The following RBFOX3 variants were observed in gnomAD, a reference collection of about 807,000 sequenced individuals.
RBFOX3 encodes RNA binding fox-1 homolog 3.
Under a neutral mutation model 48.7 loss-of-function variants are expected in RBFOX3, and 17 were observed. The ratio of observed to expected loss-of-function variants is 0.35; its 90% CI spans 0.24 to 0.52. RBFOX3 has a LOEUF of 0.52. Ranked by LOEUF, RBFOX3 falls within the 20% of genes least tolerant of loss-of-function variation. The pLI is 0.94. For missense variants in RBFOX3, 382 were observed against 497.5 expected (o/e 0.77, Z 2.21); for synonymous variants, 212 against 209.5 (o/e 1.01, Z -0.10).
chr17:79,577,414 T>G (rs1044762015), intron 1 of RBFOX3, among the ~76,000 whole-genome samples: 1 of 152,174 alleles, frequency 6.6e-6, no homozygotes, highest in Non-Finnish European at 1.5e-5. Context: ...GCAGACTCAA[T>G]TCGGCAGGGG....
intron 2 of RBFOX3, among the ~76,000 whole-genome samples, chr17:79,380,440 G>C (rs1053045237): frequency 6.6e-6 from 1 of 152,242 alleles, no homozygotes; most frequent in African/African-American, 2.4e-5. Flanking sequence ...GCCCTAGCCT[G>C]GACCTGCTGA....
chr17:79,098,134 A>G, intron 9 of RBFOX3: 2 of 203,430 alleles, frequency 9.8e-6, no homozygotes, highest in Non-Finnish European at 2.0e-5. Context: ...TTCTGGAGTC[A>G]GACTCAGCAC....
At chr17:79,301,741 C>A (rs574409118) in intron 3 of RBFOX3, among the ~76,000 whole-genome samples, 1 of 152,290 alleles carries the variant, frequency 6.6e-6, no homozygotes, top group East Asian at 1.9e-4. Context: ...GAATGCGGTT[C>A]CCCCACCCAT....
intron 2 of RBFOX3, among the ~76,000 whole-genome samples, chr17:79,400,324 G>A (rs2062630134): frequency 6.6e-6 from 1 of 152,140 alleles, no homozygotes; most frequent in South Asian, 2.1e-4. Flanking sequence ...AGCCACCCGA[G>A]GGGCTCCCGG....
In RBFOX3 at chr17:79,258,605, C is replaced by G. The variant is rs1407326549; in HGVS notation, c.-73-22800G>C. Among the ~76,000 whole-genome samples, 5 of 152,156 alleles carry G rather than the reference C, an allele frequency of 3.3e-5. No homozygotes were observed. The East Asian group carries it at 9.6e-4, about 29-fold the overall frequency. ...GATCCTGGGCAGACTAAAAGGAGCT[C>G]TAGAGCCTCAGGGCCAAGGGAGGGT... On this transcript the variant is annotated intron_variant, in intron 3 of 14. Transcript: ENST00000693108.
chr17:79,170,004 G>C (rs1030302394), intron 4 of RBFOX3, among the ~76,000 whole-genome samples: 1 of 150,660 alleles, frequency 6.6e-6, no homozygotes, highest in Admixed American at 6.6e-5. Flanking sequence ...AAAAGTGGGA[G>C]GAAAGAAGGA....
intron 4 of RBFOX3, among the ~76,000 whole-genome samples, chr17:79,122,394 C>A (rs886553123): frequency 6.6e-6 from 1 of 152,152 alleles, no homozygotes; most frequent in Admixed American, 6.5e-5. Context: ...CAAATGTCTC[C>A]GCTGTTCCTT....
chr17:79,097,981 T>C (rs2075710750), intron 9 of RBFOX3: 2 of 560,554 alleles, frequency 3.6e-6, no homozygotes, highest in Non-Finnish European at 6.5e-6. Flanking sequence ...TTCCCAATTG[T>C]GATCCTCCTC....
chr17:79,509,149 C>A (rs1202434874), intron 1 of RBFOX3, among the ~76,000 whole-genome samples: 4 of 152,050 alleles, frequency 2.6e-5, no homozygotes, highest in Non-Finnish European at 5.9e-5. Flanking sequence ...CTAAATCAAC[C>A]ACTGCCCCCA....
chr17:79,137,349 G>A (rs57525851), intron 4 of RBFOX3, among the ~76,000 whole-genome samples: 49,677 of 152,020 alleles, frequency 0.33, 9,079 homozygotes, highest in East Asian at 0.76. Flanking sequence ...AGCACCCCTG[G>A]ATGACAGGAG....
At chr17:79,257,723 G>A (rs1184312082) in intron 3 of RBFOX3, among the ~76,000 whole-genome samples, 5 of 152,264 alleles carry the variant, frequency 3.3e-5, no homozygotes, top group Admixed American at 3.3e-4. Context: ...TGGGACTACA[G>A]GCACATGGCA....
At chr17:79,592,275 G>T (rs2093443870) in intron 1 of RBFOX3, among the ~76,000 whole-genome samples, 1 of 148,806 alleles carries the variant, frequency 6.7e-6, no homozygotes, top group East Asian at 2.0e-4. Flanking sequence ...ATGTGGGTGG[G>T]GGGGTGTGGA....
intron 2 of RBFOX3, among the ~76,000 whole-genome samples, chr17:79,433,633 T>C (rs2068862683): frequency 6.6e-6 from 1 of 152,196 alleles, no homozygotes; most frequent in Non-Finnish European, 1.5e-5. Flanking sequence ...TGAGCAGGAC[T>C]GAGCCACGCC....
intron 2 of RBFOX3, among the ~76,000 whole-genome samples, chr17:79,403,653 G>A (rs1002366714): frequency 1.3e-5 from 2 of 152,204 alleles, no homozygotes; most frequent in Non-Finnish European, 2.9e-5. Context: ...CTTGGGCAGG[G>A]CGGGGCTTGT....
chr17:79,477,413 A>T lies in RBFOX3; in HGVS notation c.-175+5041T>A, dbSNP rs375923423. On this transcript the variant is annotated intron_variant, in intron 2 of 14. Transcript: ENST00000693108. This position sits in a 1 kb window ranked among gnomAD's most constrained non-coding sequence, Gnocchi z 4.8. ...CTACTAAAAATACAAAACATTAGCC[A>T]GACGTGGTGGCGGGCGCCTGTAGTC... 1.8e-4 allele frequency among the ~76,000 whole-genome samples: 27 copies of T among 151,994 alleles called. No individual in the cohort carries two copies. In the East Asian group the frequency reaches 4.9e-3, roughly 27 times the overall value.
chr17:79,464,566 G>A (rs551416452), intron 2 of RBFOX3, among the ~76,000 whole-genome samples: 1 of 152,256 alleles, frequency 6.6e-6, no homozygotes, highest in Non-Finnish European at 1.5e-5. Flanking sequence ...CAGACGCCGG[G>A]GGGAGGCAAG....
At chr17:79,407,466 T>C (rs1311582627) in intron 2 of RBFOX3, among the ~76,000 whole-genome samples, 1 of 152,246 alleles carries the variant, frequency 6.6e-6, no homozygotes, top group African/African-American at 2.4e-5. Flanking sequence ...ACTTTGTATG[T>C]GATGTGTTTC....
At chr17:79,489,108 T>C (rs1225250263) in intron 1 of RBFOX3, among the ~76,000 whole-genome samples, 4 of 152,084 alleles carry the variant, frequency 2.6e-5, no homozygotes, top group African/African-American at 9.7e-5. Context: ...ACTCAGAAAA[T>C]GGCATTTGCA....
chr17:79,619,328 C>A, the RBFOX3 span, among the ~76,000 whole-genome samples: 1 of 152,168 alleles, frequency 6.6e-6, no homozygotes, highest in Non-Finnish European at 1.5e-5. Context: ...GTTCTGGAGG[C>A]CAGGTGTTTG....
Sources: allele counts gnomAD v4.1 joint callset (sites outside exome capture counted in the v4.1 genomes callset), GRCh38; gene constraint gnomAD v4.1.1; non-coding constraint Gnocchi (gnomAD v3.1); transcripts MANE v1.5; gene names NCBI Gene and HGNC (gene_info 2026-07-23, HGNC 2026-07-21).